The following PM20D1 variants were observed in gnomAD, a reference collection of about 807,000 sequenced individuals.
The protein encoded by PM20D1 is peptidase M20 domain containing 1.
In PM20D1, 53 loss-of-function variants were observed where a neutral mutation model predicts 53.8. The ratio of observed to expected loss-of-function variants is 0.98; its 90% CI spans 0.79 to 1.24. The LOEUF is 1.24. Among genes scored for constraint, PM20D1 ranks in the 50% most tolerant of loss-of-function variants. The pLI is 0.00. For synonymous variants in PM20D1, 239 were observed against 241.3 expected, an observed-to-expected ratio of 0.99 and a Z score of 0.09; for missense variants, 564 against 616.8, an observed-to-expected ratio of 0.91 and a Z score of 0.91.
At chr1:205,838,899 C>T (rs2102526768) in intron 10 of PM20D1, among the ~76,000 whole-genome samples, 1 of 152,318 alleles carries the variant, frequency 6.6e-6, no homozygotes, top group South Asian at 2.1e-4. Flanking sequence ...TCTCCCACCT[C>T]TGGTGGTTGC....
rs145195839 is a variant in PM20D1, at chr1:205,841,860, G to A, written c.995C>T (p.Ala332Val). ...GAGTGCCGTGGTGGTCCTGATTATT[G>A]CATTGGTTAAGGGATTTCTCTCCAT... ...RFMERNPLTN[A>V]IIRTTTALTI... Residue 332 changes from alanine to valine, a missense_variant, in exon 9 of 13, where the codon GCA (alanine) becomes GTA (valine). By Grantham distance (64) the Ala-to-Val change is moderately conservative. Transcript: ENST00000367136. 4.4e-4 allele frequency: 683 copies of A among 1,567,230 alleles called. 1 individual carries two copies. Among genetic ancestry groups the A allele is most frequent in the Non-Finnish European group, 5.3e-4 (611 of 1,153,404 alleles).
intron 1 of PM20D1, among the ~76,000 whole-genome samples, chr1:205,848,799 A>G (rs940255204): frequency 2.0e-5 from 3 of 152,234 alleles, no homozygotes; most frequent in African/African-American, 4.8e-5. Context: ...GATCAACCCT[A>G]CAATAGCATA....
chr1:205,828,257 A>G lies in PM20D1; in HGVS notation c.*363T>C. 1 of 180,392 alleles carries G rather than the reference A, an allele frequency of 5.5e-6. No individual in the cohort carries two copies. Among genetic ancestry groups the G allele is most frequent in the Non-Finnish European group, 1.2e-5 (1 of 86,228 alleles). 11.2% of individuals were successfully genotyped at this position (180,392 alleles called of 1,614,324 possible). A position where few individuals can be genotyped will look rare whatever the true frequency, so the allele number is the denominator to read the frequency against. Reference sequence around the variant, plus strand: ...GCTCTGGAGAAAGCATCCCAGCAAGAGTGCCCTAAATTAAAGACTCCTATC... The same window carrying G: ...GCTCTGGAGAAAGCATCCCAGCAAGGGTGCCCTAAATTAAAGACTCCTATC... On this transcript the variant is annotated 3_prime_UTR_variant, in exon 13 of 13. Coordinates refer to ENST00000367136, the MANE Select transcript of PM20D1 (RefSeq NM_152491.5).
At position 205,847,006 on chromosome 1, in the gene PM20D1, CTTTTTTTTT is replaced by C. The variant is rs778538865; in HGVS notation, c.256+870_256+878del. Among the ~76,000 whole-genome samples, 27 of 44,672 alleles carry C rather than the reference CTTTTTTTTT, an allele frequency of 6.0e-4. 1 individual carries two copies. Among genetic ancestry groups the C allele is most frequent in the Non-Finnish European group, 8.5e-4 (22 of 25,766 alleles). The allele number at this position is 44,672 out of a possible 152,430, so 29.3% of individuals were successfully genotyped here. ...TTTTTGTTTTTTCCTTCCTTCCTTT[CTTTTTTTTT>C]TTTTTTTTTTTTTTTTTTCAGAGAC... On this transcript the variant is annotated intron_variant, in intron 2 of 12. Transcript: ENST00000367136.
intron 7 of PM20D1, 51 bp from the exon 8 acceptor site, chr1:205,842,266 G>T (rs1303485876): frequency 6.6e-7 from 1 of 1,520,310 alleles, no homozygotes; most frequent in Admixed American, 1.7e-5. Flanking sequence ...TTTAGCCTGG[G>T]TCTCTGAGAC....
At chr1:205,845,753 C>T (rs1656942447) in intron 2 of PM20D1, among the ~76,000 whole-genome samples, 196 bp from the exon 3 acceptor site, 1 of 152,184 alleles carries the variant, frequency 6.6e-6, no homozygotes, top group Admixed American at 6.5e-5. Context: ...CCCCATATTT[C>T]AATGTGCTAT....
rs548754152 is a variant in PM20D1, at chr1:205,832,597, C to T, written c.1285+1G>A. The T allele has an allele frequency of 1.9e-6, 3 of 1,614,040 alleles. No individual in the cohort carries two copies. Among genetic ancestry groups the T allele is most frequent in the South Asian group, 2.2e-5 (2 of 91,084 alleles). On this transcript the variant is annotated splice_donor_variant, in intron 11 of 12. Transcript: ENST00000367136. LOFTEE classifies it high-confidence loss of function. ...CCAGCCACAGCTGATGAAGTCATTA[C>T]CTGGGGCAGTAATATTGACTTCCGG...
chr1:205,830,394 TC>T lies in PM20D1; in HGVS notation c.1286-16del. The T allele has an allele frequency of 6.4e-7, 1 of 1,564,588 alleles. No homozygotes were observed. Among genetic ancestry groups the T allele is most frequent in the Non-Finnish European group, 8.8e-7 (1 of 1,135,138 alleles). On this transcript the variant is annotated splice_polypyrimidine_tract_variant and intron_variant, in intron 11 of 12. Transcript: ENST00000367136. ...AATAGAAGTAACTAGAGAGGGAAGA[TC>T]AACAGGAAAGGGGCTTTACATGAGC...
At chr1:205,842,783 C>T (rs749060665) in intron 6 of PM20D1, 32 bp from the exon 7 acceptor site, 68 of 1,600,258 alleles carry the variant, frequency 4.2e-5, no homozygotes, top group African/African-American at 1.5e-4. Flanking sequence ...CAAGACTTAG[C>T]GAACCCCAGC....
rs766312192 is a variant in PM20D1 at position 205,844,852 on chromosome 1, G to T, written c.535C>A (p.Pro179Thr). ...AGAGAAATGAAGAAAGATCTTCGGG[G>T]GATGTACTTCCTGATCAGCAGGAGC... is the stretch of plus-strand genomic sequence containing the variant. ...LELLLIRKYI[P>T]RRSFFISLGH... The change falls in exon 4 of 13, where the codon CCC (proline) becomes ACC (threonine). Residue 179 changes from proline (P) to threonine (T), a missense_variant. Transcript: ENST00000367136. The T allele has an allele frequency of 2.5e-6, 4 of 1,614,022 alleles. No individual in the cohort carries two copies. In the African/African-American group the frequency reaches 4.0e-5, roughly 16 times the overall value.
rs1396845219 is a variant in PM20D1 at position 205,842,770 on chromosome 1, C to A, written c.828-19G>T. The A allele has an allele frequency of 3.7e-6, 6 of 1,612,808 alleles. No homozygotes were observed. The South Asian group carries it at 5.5e-5, about 15-fold the overall frequency. On this transcript the variant is annotated intron_variant, in intron 6 of 12. Transcript: ENST00000367136. ...CTCCAATCTGGAAGAGAAACAGAGT[C>A]CTCAAGACTTAGCGAACCCCAGCCA...
chr1:205,844,775 G>T, intron 4 of PM20D1, 36 bp downstream of exon 4: 1 of 1,590,426 alleles, frequency 6.3e-7, no homozygotes. Flanking sequence ...ACCCTCAACA[G>T]AGGACAGAGA....
chr1:205,828,821 C>A, intron 12 of PM20D1, 78 bp from the exon 13 acceptor site: 13 of 1,553,804 alleles, frequency 8.4e-6, no homozygotes, highest in Non-Finnish European at 1.1e-5. Context: ...AGAGCACTTC[C>A]CTTACTTCCC....
chr1:205,836,090 G>A (rs1656681914), intron 10 of PM20D1, among the ~76,000 whole-genome samples: 1 of 152,136 alleles, frequency 6.6e-6, no homozygotes, highest in Non-Finnish European at 1.5e-5. Flanking sequence ...TGGTCAGCCT[G>A]GTCTTGAACT....
chr1:205,844,965 G>C, intron 3 of PM20D1, 68 bp from the exon 4 acceptor site: 1 of 1,374,254 alleles, frequency 7.3e-7, no homozygotes, highest in South Asian at 1.2e-5. Context: ...GGGTATCAGA[G>C]ACATTCAGTT....
At chr1:205,840,448 T>G (rs1284271292) in intron 9 of PM20D1, 125 bp from the exon 10 acceptor site, 1 of 735,736 alleles carries the variant, frequency 1.4e-6, no homozygotes. Flanking sequence ...GACCCAAGGC[T>G]TAGCTTTTCT....
intron 9 of PM20D1, among the ~76,000 whole-genome samples, chr1:205,841,156 C>CT (rs1254741360): frequency 6.6e-6 from 1 of 152,142 alleles, no homozygotes; most frequent in African/African-American, 2.4e-5. Flanking sequence ...TAAAATCTGA[C>CT]TTTTTTGCCT....
At chr1:205,836,783 A>T (rs1656695877) in intron 10 of PM20D1, among the ~76,000 whole-genome samples, 1 of 152,190 alleles carries the variant, frequency 6.6e-6, no homozygotes, top group African/African-American at 2.4e-5. Flanking sequence ...GATTATAGGT[A>T]TGAGCCACTA....
chr1:205,842,740 G>C lies in PM20D1; in HGVS notation c.839C>G (p.Thr280Arg), dbSNP rs1656843024. The C allele has an allele frequency of 1.9e-6, 3 of 1,613,988 alleles. No homozygotes were observed. The highest frequency in any genetic ancestry group is 2.5e-6 in the Non-Finnish European group (3 of 1,180,022). The change falls in exon 7 of 13, where the codon ACA (threonine) becomes AGA (arginine). Residue 280 changes from threonine to arginine, a missense_variant. Coordinates refer to ENST00000367136, the MANE Select transcript of PM20D1 (RefSeq NM_152491.5). ...LAAAVSRLEQ[T>R]PMPIIFGSGT... ...GCTTCCAAATATGATAGGCATTGGT[G>C]TCTGCTCCAATCTGGAAGAGAAACA...
Sources: allele counts gnomAD v4.1 joint callset (sites outside exome capture counted in the v4.1 genomes callset), GRCh38; gene constraint gnomAD v4.1.1; transcripts MANE v1.5; gene names NCBI Gene and HGNC (gene_info 2026-07-23, HGNC 2026-07-21).